FCGRT: variants seen among roughly 807,000 people sequenced by gnomAD.
FCGRT encodes IgG receptor FcRn large subunit p51.
A neutral mutation model predicts 35.7 loss-of-function variants in FCGRT; 13 were observed. The ratio of observed to expected loss-of-function variants is 0.36; its 90% confidence interval spans 0.24 to 0.58. The LOEUF (loss-of-function observed/expected upper bound fraction) is 0.58, where lower values mean the gene tolerates loss of function less well. FCGRT is among the 20% of genes least tolerant of loss of function. FCGRT has a pLI of 0.77. For missense variants in FCGRT, 455 were observed against 474.9 expected (o/e 0.96, Z 0.39); for synonymous variants, 233 against 216.5 (o/e 1.08, Z -0.67).
intron 4 of FCGRT, among the ~76,000 whole-genome samples, chr19:49,521,443 G>A (rs2080040262): frequency 1.3e-5 from 2 of 151,780 alleles, no homozygotes; most frequent in Non-Finnish European, 2.9e-5. Flanking sequence ...GGTGGTGTGC[G>A]CCTGTAATCC....
At chr19:49,524,425 A>T in intron 4 of FCGRT, 82 bp from the exon 5 acceptor site, 1 of 1,435,904 alleles carries the variant, frequency 7.0e-7, no homozygotes, top group East Asian at 2.3e-5. Context: ...GCAAACATGG[A>T]GGCCTCTTTC....
chr19:49,523,596 C>T (rs866838130), intron 4 of FCGRT, among the ~76,000 whole-genome samples: 5 of 149,664 alleles, frequency 3.3e-5, no homozygotes, highest in South Asian at 2.1e-4. Flanking sequence ...CGTGGTGGCT[C>T]ACACCTGTAA....
At chr19:49,513,532 G>A in intron 2 of FCGRT, 59 bp downstream of exon 2, 5 of 1,024,882 alleles carry the variant, frequency 4.9e-6, no homozygotes, top group Non-Finnish European at 6.3e-6. Context: ...GCGGCCCCAG[G>A]CAGGCAGGGG....
At chr19:49,524,878 C>T in intron 5 of FCGRT, 102 bp downstream of exon 5, 1 of 1,154,174 alleles carries the variant, frequency 8.7e-7, no homozygotes, top group Non-Finnish European at 1.3e-6. Context: ...CTGCTGCCAC[C>T]TCCTTGAATC....
At chr19:49,521,403 C>T (rs1219382583) in intron 4 of FCGRT, among the ~76,000 whole-genome samples, 1 of 151,938 alleles carries the variant, frequency 6.6e-6, no homozygotes, top group Non-Finnish European at 1.5e-5. Context: ...AACCCTGTTT[C>T]TACTAAAAAT....
intron 4 of FCGRT, among the ~76,000 whole-genome samples, chr19:49,523,096 G>A (rs1046104449): frequency 1.3e-5 from 2 of 151,924 alleles, no homozygotes; most frequent in African/African-American, 4.8e-5. Context: ...TTCTTATAAT[G>A]TGCTTTGTTG....
Position 49,526,279 on chromosome 19 carries a change from C to A in FCGRT, c.*160C>A, listed in dbSNP as rs1280559349. The A allele has an allele frequency of 4.9e-6, 3 of 608,102 alleles. No individual in the cohort carries two copies. The East Asian group carries it at 8.3e-5, about 17-fold the overall frequency. 37.7% of individuals were successfully genotyped at this position (608,102 alleles called of 1,614,324 possible). On this transcript the variant is annotated 3_prime_UTR_variant, in exon 7 of 7. Transcript: ENST00000221466. ...CTGTGGTCTGCCTCAGTTTCCCCTCCTAATACATATGGCTGTTTTCCACCT... is the reference window on the plus strand; with the variant it reads ...CTGTGGTCTGCCTCAGTTTCCCCTCATAATACATATGGCTGTTTTCCACCT...
In FCGRT at chr19:49,526,160, C is replaced by T. The variant is rs1055933085; in HGVS notation, c.*41C>T. ...ACTGCTAAAAGCGAATGTAGTCAGG[C>T]CCCTTTCATGCTGTGAGACCTCCTG... On this transcript the variant is annotated 3_prime_UTR_variant, in exon 7 of 7. Coordinates refer to ENST00000221466, the MANE Select transcript of FCGRT (RefSeq NM_001136019.3). 1.5e-6 allele frequency: 2 copies of T among 1,333,434 alleles called. No homozygotes were observed. The highest frequency in any genetic ancestry group is 1.7e-5 in the Admixed American group (1 of 59,442). The allele number at this position is 1,333,434 out of a possible 1,614,324, so 82.6% of individuals were successfully genotyped here.
At chr19:49,521,285 G>A (rs892403483) in intron 4 of FCGRT, 7 of 152,144 alleles carry the variant, frequency 4.6e-5, no homozygotes, top group African/African-American at 1.7e-4. Context: ...AGAAGTCCTG[G>A]GCTTGGCCGG....
rs2079992511 is a variant in FCGRT at position 49,514,246 on chromosome 19, C to T, written c.361C>T (p.Leu121=). The part of the protein sequence containing the change: ...YTLQGLLGCE[L]GPDNTSVPTA... The stretch of plus-strand genomic sequence containing the variant: ...TCTGCAGGGCCTGCTGGGCTGTGAA[C>T]TGGGCCCTGACAACACCTCGGTGCC... Residue 121 remains leucine, a synonymous_variant, in exon 4 of 7, where the codon CTG becomes TTG. Coordinates refer to ENST00000221466, the MANE Select transcript of FCGRT (RefSeq NM_001136019.3). The T allele has an allele frequency of 1.2e-6, 2 of 1,610,870 alleles. No individual in the cohort carries two copies. The highest frequency in any genetic ancestry group is 2.7e-5 in the African/African-American group (2 of 74,884).
intron 4 of FCGRT, chr19:49,515,147 AT>A (rs1460363882): frequency 6.6e-6 from 1 of 152,012 alleles, no homozygotes; most frequent in African/African-American, 2.4e-5. Context: ...GCCCAGCATC[AT>A]CACACCTGGC....
At chr19:49,524,847 T>A in intron 5 of FCGRT, 71 bp downstream of exon 5, 1 of 1,436,940 alleles carries the variant, frequency 7.0e-7, no homozygotes, top group Non-Finnish European at 9.5e-7. Context: ...CGGTCCTTCC[T>A]GAGTCTGACC....
Position 49,513,376 on chromosome 19 carries a change from T to C in FCGRT, c.-14-11T>C. 8 of 636,572 alleles carry C rather than the reference T, an allele frequency of 1.3e-5. No homozygotes were observed. The highest frequency in any genetic ancestry group is 1.4e-5 in the Non-Finnish European group (7 of 492,018). 39.4% of individuals were successfully genotyped at this position (636,572 alleles called of 1,614,324 possible). On this transcript the variant is annotated splice_polypyrimidine_tract_variant and intron_variant, in intron 1 of 6. Transcript: ENST00000221466. ...GGGTCGGGAGGAGTCACGTGCCCCC[T>C]CCCGCCCCAGGTCGTCCTCTCAGCA...
In FCGRT at chr19:49,514,424, TCTC is replaced by T. The variant is rs772294645; in HGVS notation, c.542_544del (p.Ser181del). 5.6e-6 allele frequency: 9 copies of T among 1,594,342 alleles called. No individual in the cohort carries two copies. Among genetic ancestry groups the T allele is most frequent in the Admixed American group, 5.1e-5 (3 of 58,886 alleles). Reference sequence around the variant, plus strand: ...AACAAGGAGCTCACCTTCCTGCTATTCTCCTGCCCGCACCGCCTGCGGGAGCAC... The same window carrying T: ...AACAAGGAGCTCACCTTCCTGCTATTCTGCCCGCACCGCCTGCGGGAGCAC... On this transcript the variant is annotated inframe_deletion, in exon 4 of 7. Coordinates refer to ENST00000221466, the MANE Select transcript of FCGRT (RefSeq NM_001136019.3).
intron 5 of FCGRT, 69 bp from the exon 6 acceptor site, chr19:49,525,388 C>G: frequency 8.4e-7 from 1 of 1,189,832 alleles, no homozygotes; most frequent in East Asian, 2.3e-5. Context: ...TGGGAGCGCC[C>G]CAGTTCTGTG....
chr19:49,523,007 G>T (rs2080051367), intron 4 of FCGRT, among the ~76,000 whole-genome samples: 1 of 151,644 alleles, frequency 6.6e-6, no homozygotes, highest in Non-Finnish European at 1.5e-5. Context: ...TCAATCTCCT[G>T]ACCTCGTGAT....
At chr19:49,523,875 A>T (rs1035085595) in intron 4 of FCGRT, among the ~76,000 whole-genome samples, 7 of 151,546 alleles carry the variant, frequency 4.6e-5, no homozygotes, top group Non-Finnish European at 8.8e-5. Flanking sequence ...AAAAAAAAAA[A>T]TTTAAATAGT....
rs111981233 is a variant in FCGRT at position 49,513,222 on chromosome 19, T to G, written c.-14-165T>G. 26,057 of 392,848 alleles carry G rather than the reference T, an allele frequency of 0.066. 1,014 individuals carry two copies. The highest frequency in any genetic ancestry group is 0.15 in the Middle Eastern group (228 of 1,562). The allele number at this position is 392,848 out of a possible 1,614,324, so 24.3% of individuals were successfully genotyped here. ...AATTAATTAACCAACTGAGATCCAG[T>G]TCAGGGGTGAAAGTTCTTCAGGTAC... On this transcript the variant is annotated intron_variant, in intron 1 of 6. Transcript: ENST00000221466.
chr19:49,525,537 G>A lies in FCGRT; in HGVS notation c.952G>A (p.Ala318Thr), dbSNP rs763500395. The change falls in exon 6 of 7, where the codon GCT (alanine) becomes ACT (threonine). Residue 318 changes from alanine to threonine, a missense_variant. Physicochemically the swap from Ala to Thr is moderately conservative, Grantham distance 58. This residue lies in a region of FCGRT where 312 missense variants were observed against 296.1 expected (regional missense o/e 1.05). Transcript: ENST00000221466. ...LLLTAAAVGG[A>T]LLWRRMRSGL... is the part of the protein sequence containing the mutation. The stretch of plus-strand genomic sequence containing the variant: ...ACTCACGGCAGCGGCTGTAGGAGGA[G>A]CTCTGTTGTGGAGAAGGATGAGGAG... 3.7e-6 allele frequency: 6 copies of A among 1,613,494 alleles called. No individual in the cohort carries two copies. The African/African-American group carries it at 6.7e-5, about 18-fold the overall frequency.
Sources: gnomAD v4.1 joint callset for allele counts (sites outside exome capture counted in the v4.1 genomes callset) on GRCh38, gnomAD v4.1.1 for gene constraint, gnomAD v4.1.1 regional missense constraint, MANE v1.5 for transcripts, NCBI Gene and HGNC (gene_info 2026-07-23, HGNC 2026-07-21) for gene names.